DGLUCY: variants seen among roughly 807,000 people sequenced by gnomAD.
DGLUCY encodes D-glutamate cyclase, mitochondrial.
In DGLUCY, 58 loss-of-function variants were observed where a neutral mutation model predicts 58.5. The observed-to-expected ratio is 0.99, with a 90% CI of 0.80 to 1.23. DGLUCY has a LOEUF of 1.23. DGLUCY is among the 50% of genes most tolerant of loss of function. The probability of loss-of-function intolerance (pLI) is 0.00; values close to 1 mark genes in which losing one functional copy is unlikely to be tolerated. For missense variants in DGLUCY, 779 were observed against 784.7 expected (o/e 0.99, Z 0.09); for synonymous variants, 325 against 314.1 (o/e 1.03, Z -0.37).
rs748379363 is a variant in DGLUCY at position 91,181,213 on chromosome 14, C to G, written c.758C>G (p.Pro253Arg). The G allele has an allele frequency of 5.6e-6, 9 of 1,614,182 alleles. No homozygotes were observed. Among genetic ancestry groups the G allele is most frequent in the South Asian group, 1.1e-5 (1 of 91,082 alleles). ...CETPLAFASI[P>R]GCTVMTDLKD... Reference sequence around the variant, plus strand: ...ACCCCACTGGCTTTTGCCAGCATCCCAGGCTGCACAGTTATGACTGACCTG... The same window carrying G: ...ACCCCACTGGCTTTTGCCAGCATCCGAGGCTGCACAGTTATGACTGACCTG... The change falls in exon 8 of 14, where the codon CCA (proline) becomes CGA (arginine). Residue 253 changes from proline (P) to arginine (R), a missense_variant. Pro to Arg is a moderately radical substitution (Grantham distance 103). Transcript: ENST00000256324.
intron 1 of DGLUCY, among the ~76,000 whole-genome samples, chr14:91,135,013 C>G (rs1378383544): frequency 1.3e-5 from 2 of 152,102 alleles, no homozygotes; most frequent in African/African-American, 4.8e-5. Context: ...CAACCTCCCC[C>G]TCCCAGGCTC....
At chr14:91,074,359 G>C (rs951200628) in intron 1 of DGLUCY, among the ~76,000 whole-genome samples, 56 of 147,474 alleles carry the variant, frequency 3.8e-4, no homozygotes, top group African/African-American at 1.4e-3. Flanking sequence ...TGTACCTATA[G>C]TCCTAGCTAC....
chr14:91,074,575 T>C (rs778330973), intron 1 of DGLUCY, among the ~76,000 whole-genome samples: 2 of 152,132 alleles, frequency 1.3e-5, no homozygotes, highest in Non-Finnish European at 2.9e-5. Context: ...CATATAATTT[T>C]ATGGCTAAAA....
intron 9 of DGLUCY, among the ~76,000 whole-genome samples, chr14:91,190,409 T>G (rs1488491755): frequency 1.3e-5 from 2 of 152,028 alleles, no homozygotes; most frequent in Admixed American, 6.6e-5. Context: ...CACAGTGTGT[T>G]CGAGTGATGA....
chr14:91,160,247 C>T lies in DGLUCY; in HGVS notation c.-29-19C>T, dbSNP rs1247707357. On this transcript the variant is annotated intron_variant, in intron 2 of 13. Transcript: ENST00000256324. ...GGGGCCACACTTTCTAATTTGTTCC[C>T]TTTCCTTCCCTCACCCAGATTCTCT... 6 of 1,475,350 alleles carry T rather than the reference C, an allele frequency of 4.1e-6. No individual in the cohort carries two copies. The highest frequency in any genetic ancestry group is 5.7e-6 in the Non-Finnish European group (6 of 1,054,992). The allele number at this position is 1,475,350 out of a possible 1,614,324, so 91.4% of individuals were successfully genotyped here.
intron 1 of DGLUCY, among the ~76,000 whole-genome samples, chr14:91,067,080 C>CAAAAA (rs778098019): frequency 2.8e-5 from 2 of 71,026 alleles, no homozygotes; most frequent in African/African-American, 5.0e-5. Flanking sequence ...GACTCCATCT[C>CAAAAA]AAAAAAAAAA....
chr14:91,146,583 C>T (rs1056970021), intron 1 of DGLUCY, among the ~76,000 whole-genome samples: 1 of 152,138 alleles, frequency 6.6e-6, no homozygotes, highest in South Asian at 2.1e-4. Flanking sequence ...GAGGAATGTA[C>T]ACCTGCAGCA....
At chr14:91,108,318 C>G (rs1323806404) in intron 1 of DGLUCY, among the ~76,000 whole-genome samples, 1 of 151,962 alleles carries the variant, frequency 6.6e-6, no homozygotes, top group African/African-American at 2.4e-5. Context: ...AAAATTAGCA[C>G]TCATATTGGT....
At chr14:91,091,152 T>C (rs1281367957) in intron 1 of DGLUCY, 1 of 152,076 alleles carries the variant, frequency 6.6e-6, no homozygotes, top group African/African-American at 2.4e-5. Context: ...AAAAATACAA[T>C]ACAATACCAT....
At chr14:91,206,529 C>G (rs1265824702) in intron 12 of DGLUCY, among the ~76,000 whole-genome samples, 1 of 152,020 alleles carries the variant, frequency 6.6e-6, no homozygotes, top group Non-Finnish European at 1.5e-5. Flanking sequence ...ATTACAGGTG[C>G]GCACTACCAT....
chr14:91,220,457 G>A, intron 13 of DGLUCY: 1 of 456,230 alleles, frequency 2.2e-6, no homozygotes. Context: ...GCTGGGGCAG[G>A]TGTCAGGGTG....
intron 1 of DGLUCY, among the ~76,000 whole-genome samples, chr14:91,142,593 G>A (rs949126338): frequency 4.6e-5 from 7 of 152,022 alleles, no homozygotes; most frequent in South Asian, 4.1e-4. Flanking sequence ...GAATTTGCCT[G>A]AAGAGGTATA....
At chr14:91,144,536 A>G (rs1260063303) in intron 1 of DGLUCY, among the ~76,000 whole-genome samples, 2 of 152,132 alleles carry the variant, frequency 1.3e-5, no homozygotes, top group East Asian at 3.9e-4. Flanking sequence ...CTCCAGCCTT[A>G]GCAACAGAGC....
At chr14:91,181,965 T>TTTTATTTATTCATTTA (rs2049203751) in intron 8 of DGLUCY, among the ~76,000 whole-genome samples, 1 of 148,694 alleles carries the variant, frequency 6.7e-6, no homozygotes, top group African/African-American at 2.5e-5. Context: ...CTTTATGGCT[T>TTTTATTTATTCATTTA]TTTATTTATT....
Position 91,225,537 on chromosome 14 carries a change from A to G in DGLUCY, c.*704A>G, listed in dbSNP as rs191837032. On this transcript the variant is annotated 3_prime_UTR_variant, in exon 14 of 14. Transcript: ENST00000256324. ...CAGTGCTTATATTCAAGAACCTCTT[A>G]TGTGACTCAGTAATGTCCTCAAAGT... is the stretch of plus-strand genomic sequence containing the variant. The G allele has an allele frequency of 6.6e-6, 1 of 152,388 alleles. No individual in the cohort carries two copies. The highest frequency in any genetic ancestry group is 1.9e-4 in the East Asian group (1 of 5,194). The allele number at this position is 152,388 out of a possible 1,614,324, so 9.4% of individuals were successfully genotyped here. A position where few individuals can be genotyped will look rare whatever the true frequency, so the allele number is the denominator to read the frequency against.
intron 12 of DGLUCY, among the ~76,000 whole-genome samples, chr14:91,214,629 A>C (rs1232707354): frequency 6.6e-6 from 1 of 152,190 alleles, no homozygotes; most frequent in African/African-American, 2.4e-5. Context: ...TCTGATGGTC[A>C]TTAGCAGTGG....
intron 1 of DGLUCY, among the ~76,000 whole-genome samples, chr14:91,128,331 A>T (rs1283623470): frequency 6.9e-6 from 1 of 145,360 alleles, no homozygotes; most frequent in South Asian, 2.2e-4. Context: ...AAAAAAACCC[A>T]CAAGAATATT....
intron 1 of DGLUCY, among the ~76,000 whole-genome samples, chr14:91,079,543 G>C (rs537266101): frequency 6.6e-6 from 1 of 151,916 alleles, no homozygotes; most frequent in Non-Finnish European, 1.5e-5. Flanking sequence ...TAGTAGAGAC[G>C]GGGTTTCGCC....
Position 91,170,187 on chromosome 14 carries a change from G to T in DGLUCY, c.442G>T (p.Ala148Ser). ...PRRDPAGHSQ[A>S]GAYKTTVPCV... ...AAGAGACCCAGCAGGTCACAGCCAG[G>T]CGGGTGCATACAAGGTAGGGACACA... The change falls in exon 5 of 14, where the codon GCG becomes TCG. Residue 148 changes from alanine (A) to serine (S), a missense_variant. Ala to Ser is a moderately conservative substitution (Grantham distance 99, BLOSUM62 1). Transcript: ENST00000256324. The T allele has an allele frequency of 6.2e-7, 1 of 1,613,712 alleles. No individual in the cohort carries two copies. Among genetic ancestry groups the T allele is most frequent in the Non-Finnish European group, 8.5e-7 (1 of 1,179,962 alleles).
Sources: gnomAD v4.1 joint callset for allele counts (sites outside exome capture counted in the v4.1 genomes callset) on GRCh38, gnomAD v4.1.1 for gene constraint, MANE v1.5 for transcripts, NCBI Gene and HGNC (gene_info 2026-07-23, HGNC 2026-07-21) for gene names.